Variants in PDE6A observed in about 807,000 individuals in gnomAD.
The protein encoded by PDE6A is phosphodiesterase 6A.
In PDE6A, 84 loss-of-function variants were observed where a neutral mutation model predicts 106.3. That is an observed-to-expected ratio of 0.79 (90% CI 0.66 to 0.95). The LOEUF is 0.95. Ranked by LOEUF, PDE6A falls within the 40% of genes least tolerant of loss-of-function variation. The probability of loss-of-function intolerance (pLI) is 0.00; values close to 1 mark genes in which losing one functional copy is unlikely to be tolerated. For synonymous variants in PDE6A, 394 were observed against 386.6 expected (o/e 1.02, Z -0.23); for missense variants, 1,052 against 1,084.9 (o/e 0.97, Z 0.43).
At chr5:149,906,218 C>T (rs1328370406) in intron 7 of PDE6A, among the ~76,000 whole-genome samples, 3 of 151,848 alleles carry the variant, frequency 2.0e-5, no homozygotes, top group Admixed American at 2.0e-4. Flanking sequence ...TACCTGTCAC[C>T]TGTAGATTAA....
chr5:149,907,169 C>A lies in PDE6A; in HGVS notation c.1065+143G>T, dbSNP rs191003616. On this transcript the variant is annotated intron_variant, in intron 7 of 21. Coordinates refer to ENST00000255266, the MANE Select transcript of PDE6A (RefSeq NM_000440.3). ...TTCATTCATTTAGACCAGTTGCCAA[C>A]TGAATTGAGAGAAACAAGAGAATTA... 13 of 766,354 alleles carry A rather than the reference C, an allele frequency of 1.7e-5. No individual in the cohort carries two copies. In the African/African-American group the frequency reaches 2.2e-4, roughly 13 times the overall value. 47.5% of individuals were successfully genotyped at this position (766,354 alleles called of 1,614,324 possible). A position where few individuals can be genotyped will look rare whatever the true frequency, so the allele number is the denominator to read the frequency against.
intron 5 of PDE6A, among the ~76,000 whole-genome samples, chr5:149,917,455 T>G (rs1050009608): frequency 6.6e-6 from 1 of 152,174 alleles, no homozygotes; most frequent in African/African-American, 2.4e-5. Context: ...TGAAGGTCTG[T>G]TTGGTTGACG....
At chr5:149,874,286 C>G (rs768301006) in intron 17 of PDE6A, among the ~76,000 whole-genome samples, 2 of 152,170 alleles carry the variant, frequency 1.3e-5, no homozygotes, top group Non-Finnish European at 2.9e-5. Context: ...TATGGGGTCC[C>G]CAAGTTACCT....
chr5:149,864,433 G>A (rs1262437831), intron 20 of PDE6A, among the ~76,000 whole-genome samples: 1 of 151,892 alleles, frequency 6.6e-6, no homozygotes, highest in Non-Finnish European at 1.5e-5. Context: ...GTAGAGATGG[G>A]GTTTCACCAT....
intron 6 of PDE6A, among the ~76,000 whole-genome samples, chr5:149,913,169 G>A (rs967190385): frequency 2.6e-5 from 4 of 152,122 alleles, no homozygotes; most frequent in African/African-American, 9.7e-5. Flanking sequence ...ATCACTTGAG[G>A]TCAGGAGTTT....
intron 13 of PDE6A, among the ~76,000 whole-genome samples, chr5:149,892,725 C>T (rs186129292): frequency 1.2e-3 from 189 of 152,232 alleles, no homozygotes; most frequent in Non-Finnish European, 2.2e-3. Flanking sequence ...AAACATTCCA[C>T]CTACCTAAGC....
chr5:149,903,758 A>C (rs1460747611), intron 7 of PDE6A, 63 bp from the exon 8 acceptor site: 7 of 1,163,388 alleles, frequency 6.0e-6, no homozygotes, highest in Non-Finnish European at 9.1e-6. Context: ...CCAGTGAAGC[A>C]CTGTATACCA....
At chr5:149,913,701 A>G (rs1033027741) in intron 6 of PDE6A, among the ~76,000 whole-genome samples, 1 of 152,172 alleles carries the variant, frequency 6.6e-6, no homozygotes, top group Non-Finnish European at 1.5e-5. Flanking sequence ...TTACAGCCTC[A>G]AGGCCTCTGC....
rs886060217 is a variant in PDE6A, at chr5:149,944,374, C to T, written c.300G>A (p.Arg100=). 1 of 1,614,060 alleles carries T rather than the reference C, an allele frequency of 6.2e-7. No individual in the cohort carries two copies. The highest frequency in any genetic ancestry group is 8.5e-7 in the Non-Finnish European group (1 of 1,180,006). Residue 100 remains arginine, a synonymous_variant, in exon 1 of 22, where the codon CGG becomes CGA. Coordinates refer to ENST00000255266, the MANE Select transcript of PDE6A (RefSeq NM_000440.3). ...CCAGCTCTGCGATGCCATTGCGGGT[C>T]CGGTACATGAACAGGCTCATGCGGT... ...QADRMSLFMY[R]TRNGIAELAT...
At chr5:149,864,248 T>G (rs1311880580) in intron 20 of PDE6A, among the ~76,000 whole-genome samples, 1 of 152,134 alleles carries the variant, frequency 6.6e-6, no homozygotes, top group Non-Finnish European at 1.5e-5. Context: ...AGATGATTTT[T>G]TTTTTTTTGA....
At chr5:149,877,607 C>A (rs245084) in intron 17 of PDE6A, among the ~76,000 whole-genome samples, 4 of 151,950 alleles carry the variant, frequency 2.6e-5, no homozygotes, top group African/African-American at 9.7e-5. Context: ...ATGGAGACTC[C>A]CCATGTCGGC....
intron 13 of PDE6A, among the ~76,000 whole-genome samples, chr5:149,888,912 T>C (rs1752430400): frequency 1.3e-5 from 2 of 151,190 alleles, no homozygotes; most frequent in Non-Finnish European, 2.9e-5. Context: ...TGAAACCCCG[T>C]CTCTACTAAA....
intron 5 of PDE6A, among the ~76,000 whole-genome samples, chr5:149,919,228 C>T (rs560100153): frequency 5.9e-5 from 9 of 152,194 alleles, no homozygotes; most frequent in Non-Finnish European, 1.2e-4. Context: ...ATTTCTAGGC[C>T]GGGTGCGGTG....
rs757371264 is a variant in PDE6A, at chr5:149,931,123, T to C, written c.763A>G (p.Ile255Val). The change falls in exon 4 of 22, where the codon ATC becomes GTC. Residue 255 changes from isoleucine to valine, a missense_variant. Ile to Val is a conservative substitution (Grantham distance 29). This residue lies in a region of PDE6A where 913 missense variants were observed against 915.2 expected (regional missense o/e 1.00). Transcript: ENST00000255266. ...AGGGCTTTGTGGAACTGTCGTTCGA[T>C]GTCCGTAAGTTCTTCAAAGACTTTG... The part of the protein sequence containing the change: ...GSKVFEELTD[I>V]ERQFHKALYT... The C allele has an allele frequency of 8.7e-6, 14 of 1,614,036 alleles. No homozygotes were observed. The highest frequency in any genetic ancestry group is 2.7e-5 in the African/African-American group (2 of 74,922).
rs10657525 is a variant in PDE6A, at chr5:149,894,629, ATTTTTTTTT to A, written c.1728+545_1728+553del. 5.3e-5 allele frequency among the ~76,000 whole-genome samples: 6 copies of A among 113,036 alleles called. 1 individual carries two copies. Among genetic ancestry groups the A allele is most frequent in the African/African-American group, 2.2e-4 (6 of 27,592 alleles). 74.2% of individuals were successfully genotyped at this position (113,036 alleles called of 152,430 possible). A position where few individuals can be genotyped will look rare whatever the true frequency, so the allele number is the denominator to read the frequency against. On this transcript the variant is annotated intron_variant, in intron 13 of 21. Coordinates refer to ENST00000255266, the MANE Select transcript of PDE6A (RefSeq NM_000440.3). ...TAACCATGACCAATTGAACTGTTGA[ATTTTTTTTT>A]TTTTTTTTTTTTGAGACAGAGTCTC...
chr5:149,893,564 G>C (rs1348077272), intron 13 of PDE6A, among the ~76,000 whole-genome samples: 1 of 152,150 alleles, frequency 6.6e-6, no homozygotes, highest in Non-Finnish European at 1.5e-5. Flanking sequence ...TACCTATGTG[G>C]GTATGAGTAA....
At chr5:149,944,136 A>T (rs534063954) in intron 1 of PDE6A, 64 bp downstream of exon 1, 53 of 1,333,202 alleles carry the variant, frequency 4.0e-5, no homozygotes, top group South Asian at 3.5e-4. Flanking sequence ...CCCTCACCCC[A>T]CCTGTACCCC....
intron 17 of PDE6A, among the ~76,000 whole-genome samples, chr5:149,882,255 GC>G (rs879457141): frequency 2.0e-5 from 3 of 150,990 alleles, no homozygotes; most frequent in East Asian, 1.9e-4. Flanking sequence ...ACTTGCTGCT[GC>G]CCCCCCCGTT....
chr5:149,861,441 GA>G (rs1425065719), intron 21 of PDE6A, among the ~76,000 whole-genome samples: 3 of 152,212 alleles, frequency 2.0e-5, no homozygotes, highest in Admixed American at 2.0e-4. Context: ...TTGAGCCCAA[GA>G]GTTGGAGGCC....
Sources: allele counts gnomAD v4.1 joint callset (sites outside exome capture counted in the v4.1 genomes callset), GRCh38; gene constraint gnomAD v4.1.1; regional missense constraint gnomAD v4.1.1; transcripts MANE v1.5; gene names NCBI Gene and HGNC (gene_info 2026-07-23, HGNC 2026-07-21).